The following SASH1 variants were observed in gnomAD, a reference collection of about 807,000 sequenced individuals.
The protein encoded by SASH1 is SAM and SH3 domain containing 1, also known as SAM and SH3 domain-containing protein 1.
A neutral mutation model predicts 125.2 loss-of-function variants in SASH1; 44 were observed. That is an observed-to-expected ratio of 0.35 (90% CI 0.28 to 0.45). The LOEUF is 0.45. SASH1 is among the 20% of genes least tolerant of loss of function. The pLI is 1.00. For synonymous variants in SASH1, 639 were observed against 649.1 expected, an observed-to-expected ratio of 0.98 and a Z score of 0.24; for missense variants, 1,426 against 1,614.5, an observed-to-expected ratio of 0.88 and a Z score of 2.00.
At position 148,295,437 on chromosome 6, in the gene SASH1, T is replaced by C. The variant is rs182266221; in HGVS notation, n.74+23060T>C. The stretch of plus-strand genomic sequence containing the variant: ...ACAAATCAACAATCAAGGCATTTTC[T>C]GAACAGAATGGATGCATTATTCTTT... On this transcript the variant is annotated intron_variant and non_coding_transcript_variant, in intron 1 of 3. Coordinates refer to the SASH1 transcript ENST00000367469. 1.6e-3 allele frequency among the ~76,000 whole-genome samples: 249 copies of C among 152,356 alleles called. 1 individual carries two copies. Among genetic ancestry groups the C allele is most frequent in the African/African-American group, 5.7e-3 (235 of 41,584 alleles).
chr6:148,376,909 G>T (rs1008399907), intron 1 of SASH1, among the ~76,000 whole-genome samples: 2 of 151,870 alleles, frequency 1.3e-5, no homozygotes, highest in African/African-American at 4.8e-5. Context: ...GGTGGCTCAC[G>T]CCTGTAATCC....
rs912167096 is a variant in SASH1, at chr6:148,495,648, C to T, written c.729+7933C>T. Among the ~76,000 whole-genome samples, 2 of 152,072 alleles carry T rather than the reference C, an allele frequency of 1.3e-5. No individual in the cohort carries two copies. Among genetic ancestry groups the T allele is most frequent in the African/African-American group, 4.8e-5 (2 of 41,414 alleles). ...ATCTGCTCCCACCTATAAATATTCC[C>T]AGCAATCTAAAAAAATGTGTACAAT... On this transcript the variant is annotated intron_variant, in intron 8 of 19. Coordinates refer to ENST00000367467, the MANE Select transcript of SASH1 (RefSeq NM_015278.5). The surrounding 1 kb of genome is among the most constrained non-coding windows in gnomAD (Gnocchi z 4.0).
rs369570386 is a variant in SASH1, at chr6:148,362,228, C to CT, written c.156+19017dup. Among the ~76,000 whole-genome samples the CT allele has an allele frequency of 6.4e-3, 797 of 124,522 alleles. 2 individuals are homozygous for CT. The highest frequency in any genetic ancestry group is 0.02 in the East Asian group (82 of 4,114). 81.7% of individuals were successfully genotyped at this position (124,522 alleles called of 152,430 possible). ...AGGCGTGAGCCACCGTGCCTGGCCT[C>CT]TTTTTTTTTTTTGAGATGGAGTCTT... On this transcript the variant is annotated intron_variant, in intron 1 of 19. Coordinates refer to ENST00000367467, the MANE Select transcript of SASH1 (RefSeq NM_015278.5).
At chr6:148,485,593 C>T (rs554940423) in intron 7 of SASH1, among the ~76,000 whole-genome samples, 9 of 152,194 alleles carry the variant, frequency 5.9e-5, no homozygotes, top group Admixed American at 3.9e-4. Context: ...GTGGAGGAAC[C>T]GAAACATAGA....
chr6:148,270,625 G>A (rs1304064283), upstream of SASH1, among the ~76,000 whole-genome samples: 6 of 151,730 alleles, frequency 4.0e-5, no homozygotes, highest in African/African-American at 1.5e-4. Context: ...ACTCCAAAGT[G>A]GAAAAAAAAA....
At chr6:148,443,217 G>C (rs1776622590) in intron 4 of SASH1, among the ~76,000 whole-genome samples, 1 of 150,086 alleles carries the variant, frequency 6.7e-6, no homozygotes, top group South Asian at 2.1e-4. Context: ...AATCTGAAAG[G>C]GTTTCTTAGC....
chr6:148,548,578 C>T lies in SASH1; in HGVS notation c.*20C>T, dbSNP rs199589161. The T allele has an allele frequency of 3.7e-4, 581 of 1,570,702 alleles. 3 individuals are homozygous for T. In the African/African-American group the frequency reaches 7.0e-3, roughly 19 times the overall value. ...ATGTAGCCAGGCCCGGAATGGGCCTCTCTGGACAAGAGCCACCCTTTCACT... is the reference window on the plus strand; with the variant it reads ...ATGTAGCCAGGCCCGGAATGGGCCTTTCTGGACAAGAGCCACCCTTTCACT... On this transcript the variant is annotated 3_prime_UTR_variant, in exon 20 of 20. Transcript: ENST00000367467.
the SASH1 span, among the ~76,000 whole-genome samples, chr6:148,235,418 A>C: frequency 0.015 from 2,331 of 152,284 alleles, 56 homozygotes; most frequent in African/African-American, 0.053. Flanking sequence ...TTTTTAACCT[A>C]CTCAATCATG....
intron 8 of SASH1, among the ~76,000 whole-genome samples, chr6:148,496,872 C>CA (rs1040794740): frequency 6.0e-5 from 8 of 133,564 alleles, no homozygotes; most frequent in African/African-American, 1.7e-4. Context: ...GACCCTGTCT[C>CA]AAAAAAAAGA....
At chr6:148,447,790 A>C (rs1021747225) in intron 4 of SASH1, among the ~76,000 whole-genome samples, 3 of 147,984 alleles carry the variant, frequency 2.0e-5, no homozygotes, top group Admixed American at 6.8e-5. Context: ...CCATCCACCT[A>C]CCTGGCCACC....
At chr6:148,521,991 C>G (rs1228188565) in intron 10 of SASH1, among the ~76,000 whole-genome samples, 1 of 152,208 alleles carries the variant, frequency 6.6e-6, no homozygotes, top group African/African-American at 2.4e-5. Context: ...GGCCTTGTCT[C>G]TAGAAGTTAT....
At chr6:148,537,179 T>C (rs562001335) in intron 16 of SASH1, among the ~76,000 whole-genome samples, 5 of 152,332 alleles carry the variant, frequency 3.3e-5, no homozygotes, top group South Asian at 2.1e-4. Context: ...TCTTTGAAGA[T>C]ATGTAGGGAT....
intron 7 of SASH1, among the ~76,000 whole-genome samples, chr6:148,478,108 G>T (rs1562444436): frequency 6.6e-6 from 1 of 152,174 alleles, no homozygotes; most frequent in African/African-American, 2.4e-5. Flanking sequence ...AGCCACTATG[G>T]AGAACAGTAT....
chr6:148,349,850 CT>C (rs71841350), intron 1 of SASH1, among the ~76,000 whole-genome samples: 112 of 145,134 alleles, frequency 7.7e-4, no homozygotes, highest in African/African-American at 7.7e-4. Context: ...TTCTTTTTTT[CT>C]TTTTTTTTTT....
intron 1 of SASH1, among the ~76,000 whole-genome samples, chr6:148,344,903 G>A (rs1350960227): frequency 2.6e-5 from 4 of 151,960 alleles, no homozygotes; most frequent in Non-Finnish European, 4.4e-5. Flanking sequence ...TTACAGGCGC[G>A]CAACACCACA....
At chr6:148,468,396 G>A (rs545642190) in intron 4 of SASH1, 149 bp from the exon 5 acceptor site, 1 of 612,036 alleles carries the variant, frequency 1.6e-6, no homozygotes, top group East Asian at 2.8e-5. Context: ...GTCAGCAGAT[G>A]GGTAGAAAAA....
chr6:148,531,170 G>A (rs538500347), intron 12 of SASH1, among the ~76,000 whole-genome samples: 1 of 152,092 alleles, frequency 6.6e-6, no homozygotes, highest in Non-Finnish European at 1.5e-5. Context: ...ATCATGGATT[G>A]TACTTGATCT....
Position 148,333,986 on chromosome 6 carries a change from C to T in SASH1, n.75-56148C>T, listed in dbSNP as rs548126483. 4.9e-4 allele frequency among the ~76,000 whole-genome samples: 75 copies of T among 151,774 alleles called. 2 individuals are homozygous for T. The South Asian group carries it at 0.013, about 26-fold the overall frequency. On this transcript the variant is annotated intron_variant and non_coding_transcript_variant, in intron 1 of 3. Transcript: ENST00000367469. Reference sequence around the variant, plus strand: ...TATAGGAGCCCACCACCACGACTGGCTAATTTTTTGTATTTTTAGTAGAGA... The same window carrying T: ...TATAGGAGCCCACCACCACGACTGGTTAATTTTTTGTATTTTTAGTAGAGA...
chr6:148,390,405 C>G (rs1295688327), intron 2 of SASH1, 143 bp downstream of exon 2: 1 of 778,962 alleles, frequency 1.3e-6, no homozygotes, highest in East Asian at 2.9e-5. Flanking sequence ...ATGTTCAGGT[C>G]CCTAAAAGAC....
Sources: allele counts gnomAD v4.1 joint callset (sites outside exome capture counted in the v4.1 genomes callset), GRCh38; gene constraint gnomAD v4.1.1; non-coding constraint Gnocchi (gnomAD v3.1); transcripts MANE v1.5; gene names NCBI Gene and HGNC (gene_info 2026-07-23, HGNC 2026-07-21).